The following SMARCAL1 variants were observed in gnomAD, a reference collection of about 807,000 sequenced individuals.
The protein encoded by SMARCAL1 is SNF2 related chromatin remodeling annealing helicase 1.
SMARCAL1 carries 58 observed loss-of-function variants against 94.5 expected under a neutral mutation model. That is an observed-to-expected ratio of 0.61 (90% CI 0.50 to 0.76). SMARCAL1 has a LOEUF of 0.76. Ranked by LOEUF, SMARCAL1 falls within the 30% of genes least tolerant of loss-of-function variation. The pLI is 0.00. For missense variants in SMARCAL1, 1,051 were observed against 1,177.9 expected (o/e 0.89, Z 1.58); for synonymous variants, 422 against 455.1 (o/e 0.93, Z 0.93).
At chr2:216,478,436 T>G (rs1031069490) in intron 17 of SMARCAL1, 137 bp downstream of exon 17, 4 of 742,904 alleles carry the variant, frequency 5.4e-6, no homozygotes, top group African/African-American at 5.1e-5. Context: ...AACAATGGCC[T>G]GCAGTCATTC....
Position 216,414,962 on chromosome 2 carries a change from T to G in SMARCAL1, c.258T>G (p.Pro86=), listed in dbSNP as rs763888223. Residue 86 remains proline (P), a synonymous_variant, in exon 3 of 18, where the codon CCT becomes CCG. Coordinates refer to ENST00000357276, the MANE Select transcript of SMARCAL1 (RefSeq NM_014140.4). ...GCTCATCTAATGCTGACCAAAGACC[T>G]CATGATTCCCACAGTTTTCAGGCAA... The part of the protein sequence containing the change: ...LSSSSNADQR[P]HDSHSFQAKG... The G allele has an allele frequency of 1.7e-5, 27 of 1,614,192 alleles. No individual in the cohort carries two copies. The highest frequency in any genetic ancestry group is 5.9e-6 in the Non-Finnish European group (7 of 1,180,026).
intron 10 of SMARCAL1, among the ~76,000 whole-genome samples, chr2:216,438,766 T>C (rs766185990): frequency 1.6e-4 from 24 of 152,122 alleles, no homozygotes; most frequent in Admixed American, 2.6e-4. Flanking sequence ...TGGGTGGGCA[T>C]TGGACTCCAG....
chr2:216,442,134 G>A (rs1251591912), intron 10 of SMARCAL1, among the ~76,000 whole-genome samples: 2 of 152,016 alleles, frequency 1.3e-5, no homozygotes, highest in East Asian at 1.9e-4. Context: ...ATTCAAATGG[G>A]GCCGGGCGCA....
At chr2:216,464,499 G>A in intron 12 of SMARCAL1, 98 bp from the exon 13 acceptor site, 2 of 918,910 alleles carry the variant, frequency 2.2e-6, no homozygotes, top group East Asian at 2.4e-5. Context: ...GTGACGGGTG[G>A]TTGAGATTTG....
intron 3 of SMARCAL1, chr2:216,415,925 C>A: frequency 2.4e-6 from 1 of 410,076 alleles, no homozygotes; most frequent in Non-Finnish European, 4.6e-6. Flanking sequence ...ATGTGACTAG[C>A]TCAATTACAG....
rs990873729 is a variant in SMARCAL1, at chr2:216,450,873, TC to T, written c.1881del (p.Ser628ProfsTer6). Reference protein sequence around the residue: ...RMPWGWDYSGSSNLGELKLLL... With the variant: ...RMPWGWDYSGXSNLGELKLLL... ...GCCTTGGGGGTGGGACTACTCAGGT[TC>T]CTCCAACCTGGGAGAGCTGAAGCTC... On this transcript the variant is annotated frameshift_variant, in exon 12 of 18. Coordinates refer to ENST00000357276, the MANE Select transcript of SMARCAL1 (RefSeq NM_014140.4). LOFTEE classifies it high-confidence loss of function. The T allele has an allele frequency of 8.1e-6, 13 of 1,614,124 alleles. No individual in the cohort carries two copies. The highest frequency in any genetic ancestry group is 9.3e-6 in the Non-Finnish European group (11 of 1,180,016).
chr2:216,435,375 G>T lies in SMARCAL1; in HGVS notation c.1523G>T (p.Cys508Phe). The stretch of plus-strand genomic sequence containing the variant: ...TGGCTGCCATCTCTGAGCCCAGATT[G>T]CATCAACGTCGTGGTGACTGGGAAG... Reference protein sequence around the residue: ...LRWLPSLSPDCINVVVTGKDR... With the variant: ...LRWLPSLSPDFINVVVTGKDR... The change falls in exon 9 of 18, where the codon TGC (cysteine) becomes TTC (phenylalanine). Residue 508 changes from cysteine (C) to phenylalanine (F), a missense_variant. Transcript: ENST00000357276. 2 of 1,614,130 alleles carry T rather than the reference G, an allele frequency of 1.2e-6. No individual in the cohort carries two copies. Among genetic ancestry groups the T allele is most frequent in the Non-Finnish European group, 1.7e-6 (2 of 1,180,008 alleles).
At chr2:216,429,588 TAAG>T (rs1458200925) in intron 7 of SMARCAL1, among the ~76,000 whole-genome samples, 5 of 152,280 alleles carry the variant, frequency 3.3e-5, no homozygotes, top group African/African-American at 4.8e-5. Flanking sequence ...TGTCTAGAAA[TAAG>T]AAGCTGTTAT....
At chr2:216,416,720 T>C (rs1693612028) in intron 4 of SMARCAL1, among the ~76,000 whole-genome samples, 1 of 152,232 alleles carries the variant, frequency 6.6e-6, no homozygotes, top group Non-Finnish European at 1.5e-5. Flanking sequence ...CAGACTATGC[T>C]GGCCCCAGCA....
At chr2:216,458,335 G>A (rs13007461) in intron 12 of SMARCAL1, among the ~76,000 whole-genome samples, 36,532 of 152,132 alleles carry the variant, frequency 0.24, 5,413 homozygotes, top group Non-Finnish European at 0.32. Flanking sequence ...CTCATTTTGT[G>A]AGGCCAGCAT....
chr2:216,466,918 C>T (rs761612087), intron 13 of SMARCAL1, among the ~76,000 whole-genome samples: 7 of 152,196 alleles, frequency 4.6e-5, no homozygotes, highest in African/African-American at 1.2e-4. Context: ...GGGCAGTCCA[C>T]GTACCTTTCC....
intron 11 of SMARCAL1, among the ~76,000 whole-genome samples, chr2:216,449,534 AAAG>A (rs1270244974): frequency 2.6e-5 from 4 of 152,218 alleles, no homozygotes; most frequent in African/African-American, 9.6e-5. Context: ...TATTTTTTAA[AAAG>A]AAGAAACAGC....
intron 3 of SMARCAL1, 36 bp downstream of exon 3, chr2:216,415,551 T>C (rs76342437): frequency 2.6e-6 from 4 of 1,550,066 alleles, no homozygotes; most frequent in South Asian, 2.3e-5. Context: ...TTTTTTTTTT[T>C]TTCTTATTTT....
At chr2:216,479,832 C>T (rs1306913700) in intron 17 of SMARCAL1, among the ~76,000 whole-genome samples, 2 of 152,132 alleles carry the variant, frequency 1.3e-5, no homozygotes, top group African/African-American at 4.8e-5. Flanking sequence ...GGACAGATGA[C>T]TTGAGCCCAG....
chr2:216,415,990 A>T (rs940695522), intron 3 of SMARCAL1: 2 of 450,226 alleles, frequency 4.4e-6, no homozygotes, highest in African/African-American at 4.0e-5. Context: ...GACCTGGAGA[A>T]CTTGGATTCT....
At chr2:216,435,593 C>G (rs1313046929) in intron 9 of SMARCAL1, 97 bp downstream of exon 9, 1 of 1,083,780 alleles carries the variant, frequency 9.2e-7, no homozygotes, top group Admixed American at 1.7e-5. Flanking sequence ...TCCTTGAGCC[C>G]CATTTAGTTT....
chr2:216,457,391 T>TCTCAGCAC (rs1694590631), intron 12 of SMARCAL1, among the ~76,000 whole-genome samples: 1 of 152,222 alleles, frequency 6.6e-6, no homozygotes, highest in African/African-American at 2.4e-5. Context: ...TATACATTCT[T>TCTCAGCAC]CTCAGCACCA....
At chr2:216,428,884 A>G (rs1693899016) in intron 7 of SMARCAL1, 102 bp downstream of exon 7, 9 of 1,077,692 alleles carry the variant, frequency 8.4e-6, no homozygotes, top group Non-Finnish European at 1.1e-5. Context: ...TTTATTTACC[A>G]TGGATAGATG....
intron 3 of SMARCAL1, 40 bp downstream of exon 3, chr2:216,415,555 T>C: frequency 2.8e-6 from 4 of 1,442,788 alleles, no homozygotes; most frequent in Middle Eastern, 3.7e-4. Context: ...TTTTTTTTTC[T>C]TATTTTTGGA....
Sources: allele counts gnomAD v4.1 joint callset (sites outside exome capture counted in the v4.1 genomes callset), GRCh38; gene constraint gnomAD v4.1.1; transcripts MANE v1.5; gene names NCBI Gene and HGNC (gene_info 2026-07-23, HGNC 2026-07-21).